EPM2A: variants seen among roughly 807,000 people sequenced by gnomAD.
The protein encoded by EPM2A is laforin.
Under a neutral mutation model 26.5 loss-of-function variants are expected in EPM2A, and 21 were observed. That is an observed-to-expected ratio of 0.79 (90% CI 0.56 to 1.14). The LOEUF (loss-of-function observed/expected upper bound fraction) is 1.14. EPM2A is among the 50% of genes most tolerant of loss of function. The probability of loss-of-function intolerance (pLI) is 0.00; values close to 1 mark genes in which losing one functional copy is unlikely to be tolerated. For synonymous variants in EPM2A, 217 were observed against 177.6 expected (o/e 1.22, Z -1.76); for missense variants, 458 against 440.8 (o/e 1.04, Z -0.35).
intron 2 of EPM2A, among the ~76,000 whole-genome samples, chr6:145,545,860 C>T (rs1183509594): frequency 6.6e-6 from 1 of 152,132 alleles, no homozygotes; most frequent in Non-Finnish European, 1.5e-5. Context: ...TAACAACTTT[C>T]CTTCCCTTTT....
downstream of EPM2A, among the ~76,000 whole-genome samples, chr6:145,496,728 A>ATGTTTTTTTGTTTTTTTT (rs779194973): frequency 2.8e-5 from 3 of 106,906 alleles, no homozygotes; most frequent in African/African-American, 3.4e-5. Flanking sequence ...AGTTCCTGCA[A>ATGTTTTTTTGTTTTTTTT]TTTTTTTTTT....
chr6:145,597,189 C>T (rs1406751997), intron 2 of EPM2A, among the ~76,000 whole-genome samples: 6 of 151,732 alleles, frequency 4.0e-5, no homozygotes, highest in African/African-American at 7.3e-5. Flanking sequence ...CCACCGCGCC[C>T]GGCCTCTCCG....
chr6:145,655,033 G>A (rs777099313), intron 2 of EPM2A, among the ~76,000 whole-genome samples: 11 of 151,994 alleles, frequency 7.2e-5, no homozygotes, highest in Admixed American at 4.6e-4. Context: ...AAAAATGCAC[G>A]CATCGTTTTG....
intron 1 of EPM2A, among the ~76,000 whole-genome samples, chr6:145,729,861 C>T (rs1254410985): frequency 6.6e-6 from 1 of 152,132 alleles, no homozygotes; most frequent in South Asian, 2.1e-4. Context: ...TGTGTCCCTG[C>T]CCAAATCTCA....
chr6:145,462,440 A>C (rs1779338260), intron 4 of EPM2A, among the ~76,000 whole-genome samples: 1 of 152,198 alleles, frequency 6.6e-6, no homozygotes, highest in Non-Finnish European at 1.5e-5. Context: ...TTCCACAGGG[A>C]ATATCCTTTC....
intron 4 of EPM2A, among the ~76,000 whole-genome samples, chr6:145,404,315 G>T: frequency 6.6e-6 from 1 of 151,950 alleles, no homozygotes; most frequent in South Asian, 2.1e-4. Flanking sequence ...CCCATGGATT[G>T]TCTGTTCATA....
At chr6:145,474,987 G>C (rs1404181718) in intron 4 of EPM2A, among the ~76,000 whole-genome samples, 1 of 152,200 alleles carries the variant, frequency 6.6e-6, no homozygotes, top group African/African-American at 2.4e-5. Flanking sequence ...TGGAGAGGAT[G>C]TGCAGAAATG....
At chr6:145,565,070 C>G (rs1440230156) in intron 2 of EPM2A, among the ~76,000 whole-genome samples, 1 of 152,194 alleles carries the variant, frequency 6.6e-6, no homozygotes, top group Non-Finnish European at 1.5e-5. Flanking sequence ...CTTCTTCCTT[C>G]TCTGTCTCAT....
At chr6:145,591,480 T>C (rs1231879012) in intron 2 of EPM2A, among the ~76,000 whole-genome samples, 2 of 152,030 alleles carry the variant, frequency 1.3e-5, no homozygotes, top group Non-Finnish European at 2.9e-5. Flanking sequence ...ACTTTACCTA[T>C]AGAAAAACAA....
At chr6:145,428,120 A>G (rs1445660161) in intron 4 of EPM2A, among the ~76,000 whole-genome samples, 1 of 20,242 alleles carries the variant, frequency 4.9e-5, no homozygotes, top group Non-Finnish European at 1.2e-4. Flanking sequence ...GTTCAATTTT[A>G]TTTACTTTAG....
Position 145,735,425 on chromosome 6 carries a change from G to C in EPM2A, c.74C>G (p.Ser25Trp), listed in dbSNP as rs1776817138. The C allele has an allele frequency of 4.0e-6, 5 of 1,256,448 alleles. No homozygotes were observed. Among genetic ancestry groups the C allele is most frequent in the Non-Finnish European group, 5.0e-6 (5 of 994,316 alleles). The allele number at this position is 1,256,448 out of a possible 1,614,324, so 77.8% of individuals were successfully genotyped here. A position where few individuals can be genotyped will look rare whatever the true frequency, so the allele number is the denominator to read the frequency against. ...GARPELLVVG[S>W]RPELGRWEPR... is the part of the protein sequence containing the mutation. The stretch of plus-strand genomic sequence containing the variant: ...CTCCCAACGCCCCAGCTCGGGCCGC[G>C]ACCCCACCACCAGCAGCTCCGGCCG... Residue 25 changes from serine to tryptophan, a missense_variant, in exon 1 of 4, where the codon TCG becomes TGG. Physicochemically the swap from Ser to Trp is radical, Grantham distance 177. Transcript: ENST00000367519.
chr6:145,678,909 C>G (rs1409045076), intron 2 of EPM2A, among the ~76,000 whole-genome samples: 1 of 152,016 alleles, frequency 6.6e-6, no homozygotes, highest in Non-Finnish European at 1.5e-5. Context: ...GGTATATACT[C>G]AAAGGATTAT....
chr6:145,670,285 C>T (rs540743893), intron 2 of EPM2A: 1 of 152,146 alleles, frequency 6.6e-6, no homozygotes, highest in South Asian at 2.1e-4. Flanking sequence ...CATATCTTAC[C>T]CACATCATTC....
chr6:145,620,767 A>G (rs1360104171), downstream of EPM2A, among the ~76,000 whole-genome samples: 1 of 152,170 alleles, frequency 6.6e-6, no homozygotes, highest in Non-Finnish European at 1.5e-5. Context: ...ATACTAGTTC[A>G]TTTAATAGTA....
At chr6:145,692,085 A>T (rs1781314713) in intron 1 of EPM2A, among the ~76,000 whole-genome samples, 2 of 152,022 alleles carry the variant, frequency 1.3e-5, no homozygotes, top group African/African-American at 4.8e-5. Flanking sequence ...TATTACTATT[A>T]TATAAAGTAT....
intron 4 of EPM2A, among the ~76,000 whole-genome samples, chr6:145,496,328 C>T (rs977852848): frequency 5.9e-5 from 9 of 152,128 alleles, no homozygotes; most frequent in Admixed American, 1.3e-4. Flanking sequence ...TCCTGAATTT[C>T]CTGCATTTCC....
rs1051831404 is a variant in EPM2A at position 145,735,157 on chromosome 6, G to A, written c.301+41C>T. The A allele has an allele frequency of 2.8e-6, 4 of 1,426,856 alleles. No homozygotes were observed. The African/African-American group carries it at 6.0e-5, about 21-fold the overall frequency. The allele number at this position is 1,426,856 out of a possible 1,614,324, so 88.4% of individuals were successfully genotyped here. A position where few individuals can be genotyped will look rare whatever the true frequency, so the allele number is the denominator to read the frequency against. On this transcript the variant is annotated intron_variant, in intron 1 of 3. Coordinates refer to ENST00000367519, the MANE Select transcript of EPM2A (RefSeq NM_005670.4). The stretch of plus-strand genomic sequence containing the variant: ...GCCCCGGTTGGGGGTGCGGGCCGGA[G>A]CTCCCGCTCTGCGCCGGGGGCAGGC...
At chr6:145,725,902 C>CAT (rs1293966178) in intron 1 of EPM2A, among the ~76,000 whole-genome samples, 1 of 151,926 alleles carries the variant, frequency 6.6e-6, no homozygotes, top group Admixed American at 6.6e-5. Flanking sequence ...ATATATTTCC[C>CAT]ATATATATAC....
intron 4 of EPM2A, among the ~76,000 whole-genome samples, chr6:145,396,725 G>T (rs1285271465): frequency 2.6e-5 from 4 of 152,172 alleles, no homozygotes; most frequent in Admixed American, 2.0e-4. Flanking sequence ...ATGGCAAGTT[G>T]ATTTCATTCT....
Sources: allele counts gnomAD v4.1 joint callset (sites outside exome capture counted in the v4.1 genomes callset), GRCh38; gene constraint gnomAD v4.1.1; transcripts MANE v1.5; gene names NCBI Gene and HGNC (gene_info 2026-07-23, HGNC 2026-07-21).